CADPS: variants seen among roughly 807,000 people sequenced by gnomAD.
The protein encoded by CADPS is calcium-dependent secretion activator 1.
In CADPS, 57 loss-of-function variants were observed where a neutral mutation model predicts 167.3. That is an observed-to-expected ratio of 0.34 (90% CI 0.28 to 0.42). The LOEUF is 0.42. Among genes scored for constraint, CADPS ranks in the 20% least tolerant of loss-of-function variants. The pLI, the probability that CADPS is intolerant of heterozygous loss-of-function variation, is 1.00. For synonymous variants in CADPS, 676 were observed against 635.3 expected (o/e 1.06, Z -0.96); for missense variants, 1,414 against 1,738.1 (o/e 0.81, Z 3.32).
chr3:62,589,303 C>G (rs1341433896), intron 7 of CADPS, among the ~76,000 whole-genome samples: 3 of 152,198 alleles, frequency 2.0e-5, no homozygotes, highest in African/African-American at 7.2e-5. Flanking sequence ...GGTGTCCAGC[C>G]AGCACAAGAG....
Position 62,758,080 on chromosome 3 carries a change from G to A in CADPS, c.556-4307C>T, listed in dbSNP as rs991142782. Reference sequence around the variant, plus strand: ...CATATCAGGTGAACCCTGAATCCTGGGCATAGCATCTGCTTCACTAGCCCC... The same window carrying A: ...CATATCAGGTGAACCCTGAATCCTGAGCATAGCATCTGCTTCACTAGCCCC... On this transcript the variant is annotated intron_variant, in intron 2 of 29. Transcript: ENST00000383710. Among the ~76,000 whole-genome samples the A allele has an allele frequency of 2.6e-5, 4 of 152,260 alleles. No homozygotes were observed. In the East Asian group the frequency reaches 5.8e-4, roughly 22 times the overall value.
intron 1 of CADPS, among the ~76,000 whole-genome samples, chr3:62,850,769 T>G (rs867697491): frequency 2.7e-5 from 4 of 150,554 alleles, no homozygotes; most frequent in African/African-American, 9.7e-5. Flanking sequence ...GGGTGGAGAG[T>G]TCTGTAGATG....
intron 3 of CADPS, among the ~76,000 whole-genome samples, chr3:62,689,395 G>T (rs2078681400): frequency 6.6e-6 from 1 of 152,024 alleles, no homozygotes; most frequent in South Asian, 2.1e-4. Flanking sequence ...AAGAGAATAG[G>T]ATGCCATCTT....
At chr3:62,754,503 T>G (rs2152426414) in intron 2 of CADPS, among the ~76,000 whole-genome samples, 1 of 152,308 alleles carries the variant, frequency 6.6e-6, no homozygotes, top group African/African-American at 2.4e-5. Flanking sequence ...TTTTTTATTT[T>G]AAATAGAGGC....
chr3:62,614,704 A>G (rs2061996736), intron 6 of CADPS, among the ~76,000 whole-genome samples: 1 of 152,190 alleles, frequency 6.6e-6, no homozygotes, highest in Admixed American at 6.5e-5. Context: ...TATAATGTGT[A>G]CATAATGATG....
intron 2 of CADPS, among the ~76,000 whole-genome samples, chr3:62,762,650 C>T (rs955058837): frequency 3.9e-5 from 5 of 129,528 alleles, no homozygotes; most frequent in African/African-American, 1.2e-4. Context: ...AAAGGAAACC[C>T]GGACTCAAAA....
chr3:62,746,344 T>A (rs187173077), intron 3 of CADPS, among the ~76,000 whole-genome samples: 1 of 152,208 alleles, frequency 6.6e-6, no homozygotes, highest in African/African-American at 2.4e-5. Flanking sequence ...CATTGATTGA[T>A]TGATTGAGAC....
At position 62,652,675 on chromosome 3, in the gene CADPS, G is replaced by T. The variant is rs182530082; in HGVS notation, c.970-1595C>A. On this transcript the variant is annotated intron_variant, in intron 4 of 29. Coordinates refer to ENST00000383710, the MANE Select transcript of CADPS (RefSeq NM_003716.4). ...AAGAGGTAGAGACAAAGAGAGAGAA[G>T]AAGTAAGGGAGGCAGGGACTGAAGG... Among the ~76,000 whole-genome samples the T allele has an allele frequency of 4.1e-3, 624 of 152,102 alleles. 4 individuals carry two copies. Among genetic ancestry groups the T allele is most frequent in the African/African-American group, 0.014 (575 of 41,494 alleles).
intron 13 of CADPS, among the ~76,000 whole-genome samples, chr3:62,522,819 T>C (rs1244273712): frequency 2.0e-5 from 3 of 152,162 alleles, no homozygotes; most frequent in Non-Finnish European, 4.4e-5. Flanking sequence ...TTTTATATCA[T>C]GATCCTGCAA....
intron 6 of CADPS, among the ~76,000 whole-genome samples, chr3:62,616,566 G>A (rs751491689): frequency 3.3e-5 from 5 of 152,030 alleles, no homozygotes; most frequent in African/African-American, 1.2e-4. Flanking sequence ...CAGGGACCCC[G>A]GCTGGGTCAA....
At chr3:62,616,836 A>G (rs1370292506) in intron 6 of CADPS, among the ~76,000 whole-genome samples, 1 of 152,182 alleles carries the variant, frequency 6.6e-6, no homozygotes, top group Non-Finnish European at 1.5e-5. Flanking sequence ...TATTATCTAT[A>G]TATTGTTATT....
chr3:62,807,056 A>G (rs1360568957), intron 1 of CADPS, among the ~76,000 whole-genome samples: 1 of 152,172 alleles, frequency 6.6e-6, no homozygotes, highest in East Asian at 1.9e-4. Context: ...GTTTGTTTTC[A>G]TGATATATTA....
chr3:62,451,069 C>CA (rs201925089), intron 26 of CADPS, among the ~76,000 whole-genome samples: 36 of 148,172 alleles, frequency 2.4e-4, no homozygotes, highest in Admixed American at 4.0e-4. Context: ...AATGGCTTCT[C>CA]AAAAAAAAAA....
chr3:62,627,030 C>T (rs573527997), intron 6 of CADPS, among the ~76,000 whole-genome samples: 1 of 151,950 alleles, frequency 6.6e-6, no homozygotes, highest in African/African-American at 2.4e-5. Flanking sequence ...ATAGATTTTC[C>T]TATGAAACCT....
intron 3 of CADPS, among the ~76,000 whole-genome samples, chr3:62,722,376 G>A (rs2075991114): frequency 6.6e-6 from 1 of 152,196 alleles, no homozygotes; most frequent in South Asian, 2.1e-4. Flanking sequence ...GGAGGACAGT[G>A]GCCACAGTGG....
At position 62,474,153 on chromosome 3, in the gene CADPS, A is replaced by ATTTTTTTTTTTTTTTTTTTTTTTT. The variant is rs61586697; in HGVS notation, c.3477+19_3477+20insAAAAAAAAAAAAAAAAAAAAAAAA. 49 of 740,352 alleles carry ATTTTTTTTTTTTTTTTTTTTTTTT rather than the reference A, an allele frequency of 6.6e-5. 11 individuals are homozygous for ATTTTTTTTTTTTTTTTTTTTTTTT. Among genetic ancestry groups the ATTTTTTTTTTTTTTTTTTTTTTTT allele is most frequent in the African/African-American group, 4.7e-4 (15 of 31,950 alleles). The allele number at this position is 740,352 out of a possible 1,614,324, so 45.9% of individuals were successfully genotyped here. On this transcript the variant is annotated intron_variant, in intron 24 of 29. Coordinates refer to ENST00000383710, the MANE Select transcript of CADPS (RefSeq NM_003716.4). Reference sequence around the variant, plus strand: ...AATGAAGAGGGAAAAAAAAATCTGTATTTTTTTTTTTTTTTTTACCTCTTG... The same window carrying ATTTTTTTTTTTTTTTTTTTTTTTT: ...AATGAAGAGGGAAAAAAAAATCTGTATTTTTTTTTTTTTTTTTTTTTTTTTTTTTTTTTTTTTTTTTACCTCTTG...
intron 10 of CADPS, among the ~76,000 whole-genome samples, chr3:62,553,849 A>G (rs1577677015): frequency 6.6e-6 from 1 of 152,168 alleles, no homozygotes; most frequent in African/African-American, 2.4e-5. Flanking sequence ...AAAAGCAACA[A>G]TTCCTGGGGA....
At position 62,481,647 on chromosome 3, in the gene CADPS, T is replaced by C. The variant is rs918671932; in HGVS notation, c.3173+76A>G. Reference sequence around the variant, plus strand: ...ATCTCCATCTCTGTTATATAGGATGTATAGAAATAAACAATACATATCCAT... The same window carrying C: ...ATCTCCATCTCTGTTATATAGGATGCATAGAAATAAACAATACATATCCAT... On this transcript the variant is annotated intron_variant, in intron 22 of 29. Transcript: ENST00000383710. 14 of 1,308,338 alleles carry C rather than the reference T, an allele frequency of 1.1e-5. No homozygotes were observed. The African/African-American group carries it at 1.8e-4, about 17-fold the overall frequency. 81.0% of individuals were successfully genotyped at this position (1,308,338 alleles called of 1,614,324 possible).
intron 1 of CADPS, among the ~76,000 whole-genome samples, chr3:62,795,082 T>G (rs2093308460): frequency 6.6e-6 from 1 of 152,000 alleles, no homozygotes; most frequent in South Asian, 2.1e-4. Context: ...ACTCTCCATC[T>G]CTCTTGACGG....
Sources: allele counts gnomAD v4.1 joint callset (sites outside exome capture counted in the v4.1 genomes callset), GRCh38; gene constraint gnomAD v4.1.1; transcripts MANE v1.5; gene names NCBI Gene and HGNC (gene_info 2026-07-23, HGNC 2026-07-21).